The following MBTPS1 variants were observed in gnomAD, a reference collection of about 807,000 sequenced individuals.
MBTPS1 encodes membrane-bound transcription factor site-1 protease.
MBTPS1 carries 94 observed loss-of-function variants against 127.8 expected under a neutral mutation model. The observed-to-expected ratio is 0.74, with a 90% CI of 0.62 to 0.87. The LOEUF (loss-of-function observed/expected upper bound fraction) is 0.87. MBTPS1 is among the 40% of genes least tolerant of loss of function. The probability of loss-of-function intolerance (pLI) is 0.00; values close to 1 mark genes in which losing one functional copy is unlikely to be tolerated. For missense variants in MBTPS1, 1,636 were observed against 1,353.2 expected, an observed-to-expected ratio of 1.21 and a Z score of -3.28; for synonymous variants, 632 against 509.4, an observed-to-expected ratio of 1.24 and a Z score of -3.24.
intron 22 of MBTPS1, 135 bp from the exon 23 acceptor site, chr16:84,054,780 T>A (rs1315190911): frequency 6.4e-6 from 4 of 629,764 alleles, no homozygotes; most frequent in Non-Finnish European, 1.0e-5. Flanking sequence ...GCATACATCA[T>A]TTTTAAGCCT....
At chr16:84,067,329 G>A (rs1343144621) in intron 16 of MBTPS1, among the ~76,000 whole-genome samples, 2 of 152,134 alleles carry the variant, frequency 1.3e-5, no homozygotes, top group Non-Finnish European at 2.9e-5. Context: ...CCTCTCTACT[G>A]TATAAAGGAC....
chr16:84,078,319 G>T (rs910580715), intron 11 of MBTPS1, among the ~76,000 whole-genome samples: 2 of 147,370 alleles, frequency 1.4e-5, no homozygotes, highest in African/African-American at 5.0e-5. Flanking sequence ...AGAGCTACCC[G>T]ATGCTCTCAA....
chr16:84,116,750 C>G lies in MBTPS1; in HGVS notation c.-340G>C, dbSNP rs1166201558. The G allele has an allele frequency of 1.3e-5, 2 of 152,142 alleles. No individual in the cohort carries two copies. Among genetic ancestry groups the G allele is most frequent in the Non-Finnish European group, 2.9e-5 (2 of 68,032 alleles). 9.4% of individuals were successfully genotyped at this position (152,142 alleles called of 1,614,324 possible). A position where few individuals can be genotyped will look rare whatever the true frequency, so the allele number is the denominator to read the frequency against. ...GCTGACGTACCTGCGCCGCCGGGAG[C>G]TCAGGGCCGGCGGGCCCGGGATAAC... On this transcript the variant is annotated 5_prime_UTR_variant, in exon 1 of 23. Transcript: ENST00000343411.
chr16:84,066,084 T>C (rs969275799), intron 17 of MBTPS1, among the ~76,000 whole-genome samples: 1 of 152,220 alleles, frequency 6.6e-6, no homozygotes, highest in East Asian at 1.9e-4. Flanking sequence ...TGTCCAGACC[T>C]GCAGAATGGG....
In MBTPS1 at chr16:84,054,419, T is replaced by C. The variant is rs2085485423; in HGVS notation, c.*30A>G. ...ACCAGCGCCGTCCGTGAAGGCTCTC[T>C]CTGGCCCTCACGGTCAGCCAGGCTG... On this transcript the variant is annotated 3_prime_UTR_variant, in exon 23 of 23. Coordinates refer to ENST00000343411, the MANE Select transcript of MBTPS1 (RefSeq NM_003791.4). 1 of 1,564,780 alleles carries C rather than the reference T, an allele frequency of 6.4e-7. No homozygotes were observed. Among genetic ancestry groups the C allele is most frequent in the African/African-American group, 1.4e-5 (1 of 73,828 alleles).
Position 84,068,445 on chromosome 16 carries a change from A to G in MBTPS1, c.1965T>C (p.Asp655=), listed in dbSNP as rs1430366671. 2.5e-6 allele frequency: 4 copies of G among 1,606,062 alleles called. No homozygotes were observed. The highest frequency in any genetic ancestry group is 1.7e-5 in the Admixed American group (1 of 60,016). ...MKNDPLDWNG[D]HIHTNFRDMY... The stretch of plus-strand genomic sequence containing the variant: ...TATCCCTGAAATTGGTGTGGATGTG[A>G]TCACCATTCCTGAAAAACAATAGGC... Residue 655 remains aspartate (D), a synonymous_variant, in exon 15 of 23, where the codon GAT becomes GAC. Coordinates refer to ENST00000343411, the MANE Select transcript of MBTPS1 (RefSeq NM_003791.4).
At chr16:84,085,575 C>CCCA (rs1567490531) in intron 9 of MBTPS1, among the ~76,000 whole-genome samples, 7 of 95,840 alleles carry the variant, frequency 7.3e-5, no homozygotes, top group Non-Finnish European at 1.6e-4. Context: ...GCACCCGCCC[C>CCCA]CCCCCCAAAA....
Position 84,069,858 on chromosome 16 carries a change from G to A in MBTPS1, c.1955+8C>T, listed in dbSNP as rs150455935. 70 of 1,611,868 alleles carry A rather than the reference G, an allele frequency of 4.3e-5. 1 individual carries two copies. The African/African-American group carries it at 7.6e-4, about 18-fold the overall frequency. On this transcript the variant is annotated splice_region_variant and intron_variant, in intron 14 of 22. Transcript: ENST00000343411. ...GGGGAGGTGAAGTGCATCCTGTGAG[G>A]TGCTTACCAGTCTAAAGGGTCATTC...
intron 11 of MBTPS1, among the ~76,000 whole-genome samples, chr16:84,077,360 T>C (rs888590294): frequency 2.6e-5 from 4 of 151,868 alleles, no homozygotes; most frequent in Non-Finnish European, 4.4e-5. Context: ...CTATAAAGTC[T>C]TTATAATCAA....
In MBTPS1 at chr16:84,099,066, G is replaced by C. The variant is rs768708059; in HGVS notation, c.408C>G (p.Leu136=). The C allele has an allele frequency of 3.1e-6, 5 of 1,614,102 alleles. No individual in the cohort carries two copies. In the South Asian group the frequency reaches 3.3e-5, roughly 11 times the overall value. The change falls in exon 3 of 23, where the codon CTC becomes CTG. Residue 136 remains leucine (L), a synonymous_variant. Transcript: ENST00000343411. ...CACAATACTCACATTCAGCATACTT[G>C]AGGGAACGAAAGACTTTTCGTTGGG... ...VTPQRKVFRS[L]KYAESDPTVP...
chr16:84,069,023 G>A (rs915763308), intron 14 of MBTPS1, among the ~76,000 whole-genome samples: 15 of 152,128 alleles, frequency 9.9e-5, no homozygotes, highest in African/African-American at 3.1e-4. Context: ...GCAGGCCAAC[G>A]GGCTTGCCTT....
Position 84,099,180 on chromosome 16 carries a change from A to C in MBTPS1, c.294T>G (p.Pro98=), listed in dbSNP as rs1222834229. The part of the protein sequence containing the change: ...IPRNNPSSDY[P]SDFEVIQIKE... Reference sequence around the variant, plus strand: ...TTATCTGAATCACCTCAAAATCACTAGGGTAGTCACTGGATGGATTGTTTC... The same window carrying C: ...TTATCTGAATCACCTCAAAATCACTCGGGTAGTCACTGGATGGATTGTTTC... Residue 98 remains proline, a synonymous_variant, in exon 3 of 23, where the codon CCT becomes CCG. Transcript: ENST00000343411. 9 of 1,614,154 alleles carry C rather than the reference A, an allele frequency of 5.6e-6. No individual in the cohort carries two copies. Among genetic ancestry groups the C allele is most frequent in the Non-Finnish European group, 7.6e-6 (9 of 1,180,036 alleles).
At position 84,116,760 on chromosome 16, in the gene MBTPS1, G is replaced by T. The variant is rs2086487728; in HGVS notation, c.-350C>A. The T allele has an allele frequency of 6.6e-6, 1 of 152,118 alleles. No individual in the cohort carries two copies. Among genetic ancestry groups the T allele is most frequent in the Admixed American group, 6.5e-5 (1 of 15,274 alleles). The allele number at this position is 152,118 out of a possible 1,614,324, so 9.4% of individuals were successfully genotyped here. A position where few individuals can be genotyped will look rare whatever the true frequency, so the allele number is the denominator to read the frequency against. On this transcript the variant is annotated 5_prime_UTR_variant, in exon 1 of 23. Coordinates refer to ENST00000343411, the MANE Select transcript of MBTPS1 (RefSeq NM_003791.4). The stretch of plus-strand genomic sequence containing the variant: ...CTGCGCCGCCGGGAGCTCAGGGCCG[G>T]CGGGCCCGGGATAACGGCGCCTCCG...
In MBTPS1 at chr16:84,104,957, T is replaced by C. The variant is rs924860256; in HGVS notation, c.-324-2850A>G. On this transcript the variant is annotated intron_variant, in intron 1 of 22. Coordinates refer to ENST00000343411, the MANE Select transcript of MBTPS1 (RefSeq NM_003791.4). ...CCAAAAAAAAAAATACAAAAATTAG[T>C]TGGGCATTGTGGTGCATGCCTGTAA... Among the ~76,000 whole-genome samples the C allele has an allele frequency of 2.2e-4, 33 of 151,902 alleles. No individual in the cohort carries two copies. The East Asian group carries it at 3.3e-3, about 15-fold the overall frequency.
At chr16:84,116,516 G>A (rs900470934) in intron 1 of MBTPS1, among the ~76,000 whole-genome samples, 6 of 152,224 alleles carry the variant, frequency 3.9e-5, no homozygotes, top group East Asian at 1.9e-4. Flanking sequence ...ACCAGGCAAC[G>A]GAACAAGCTG....
At position 84,056,011 on chromosome 16, in the gene MBTPS1, G is replaced by C. The variant is rs538050339; in HGVS notation, c.2956C>G (p.Pro986Ala). Residue 986 changes from proline to alanine, a missense_variant, in exon 22 of 23, where the codon CCT becomes GCT. By Grantham distance (27) the Pro-to-Ala change is conservative (BLOSUM62 -1). Coordinates refer to ENST00000343411, the MANE Select transcript of MBTPS1 (RefSeq NM_003791.4). ...AAAGCAGCCGAGAACTCACCTCCAG[G>C]AATGTCCCAGGCGCCGCTCTCTCCA... ...SPGESGAWDIPGGIMPGRYNQ... is the reference protein window; with the variant it reads ...SPGESGAWDIAGGIMPGRYNQ... 1.2e-6 allele frequency: 2 copies of C among 1,612,094 alleles called. No individual in the cohort carries two copies. The highest frequency in any genetic ancestry group is 2.2e-5 in the East Asian group (1 of 44,802).
chr16:84,060,564 C>T (rs2151141244), intron 20 of MBTPS1, 118 bp downstream of exon 20: 1 of 1,207,278 alleles, frequency 8.3e-7, no homozygotes, highest in Non-Finnish European at 1.2e-6. Flanking sequence ...TTACGAAAAC[C>T]ACTCAGCGGC....
chr16:84,094,201 AC>A (rs2086149394), intron 4 of MBTPS1, among the ~76,000 whole-genome samples: 1 of 148,118 alleles, frequency 6.8e-6, no homozygotes, highest in Non-Finnish European at 1.5e-5. Context: ...ACAGGTCTCC[AC>A]CCCCCACCTT....
chr16:84,072,772 A>G (rs180931892), intron 12 of MBTPS1, among the ~76,000 whole-genome samples: 5 of 152,210 alleles, frequency 3.3e-5, no homozygotes, highest in Non-Finnish European at 5.9e-5. Context: ...CCTGGGAGAG[A>G]GCGAGACTCC....
Sources: gnomAD v4.1 joint callset for allele counts (sites outside exome capture counted in the v4.1 genomes callset) on GRCh38, gnomAD v4.1.1 for gene constraint, MANE v1.5 for transcripts, NCBI Gene and HGNC (gene_info 2026-07-23, HGNC 2026-07-21) for gene names.